Variants in DACT3 observed in about 807,000 individuals in gnomAD.
DACT3 encodes the protein dapper homolog 3.
In DACT3, 5 loss-of-function variants were observed where a neutral mutation model predicts 19.6. That is an observed-to-expected ratio of 0.26 (90% CI 0.13 to 0.54). The LOEUF (loss-of-function observed/expected upper bound fraction) is 0.54, where lower values mean the gene tolerates loss of function less well. Among genes scored for constraint, DACT3 ranks in the 20% least tolerant of loss-of-function variants. The pLI is 0.95. For synonymous variants in DACT3, 454 were observed against 428.1 expected, an observed-to-expected ratio of 1.06 and a Z score of -0.75; for missense variants, 908 against 927.4, an observed-to-expected ratio of 0.98 and a Z score of 0.27.
chr19:46,648,272 C>G lies in DACT3; in HGVS notation c.*210G>C. 1 of 768,930 alleles carries G rather than the reference C, an allele frequency of 1.3e-6. No homozygotes were observed. The highest frequency in any genetic ancestry group is 2.9e-5 in the Admixed American group (1 of 34,056). The allele number at this position is 768,930 out of a possible 1,614,324, so 47.6% of individuals were successfully genotyped here. On this transcript the variant is annotated 3_prime_UTR_variant, in exon 4 of 4. Coordinates refer to ENST00000391916, the MANE Select transcript of DACT3 (RefSeq NM_145056.3). The surrounding 1 kb of genome is among the most constrained non-coding windows in gnomAD (Gnocchi z 5.1). ...TGCCCAAGGGCTTCCAAGCTAGAAG[C>G]TGAACTGGGTCAAACAGGGCTCCTC...
At position 46,649,014 on chromosome 19, in the gene DACT3, C is replaced by A; in HGVS notation, c.1358G>T (p.Arg453Leu). ...KYPTAEREEP[R>L]PPRPRRGPAP... ...TGGGCCGCGGCGTGGCCGTGGAGGC[C>A]GAGGCTCTTCCCGCTCCGCCGTGGG... The change falls in exon 4 of 4, where the codon CGG (arginine) becomes CTG (leucine). Residue 453 changes from arginine (R) to leucine (L), a missense_variant. Around this residue, in one of 2 missense-constraint regions of DACT3, gnomAD observed 656 missense variants for 601.8 expected, o/e 1.09. Transcript: ENST00000391916. 1 of 1,268,308 alleles carries A rather than the reference C, an allele frequency of 7.9e-7. No individual in the cohort carries two copies. The highest frequency in any genetic ancestry group is 2.5e-5 in the South Asian group (1 of 39,456). 78.6% of individuals were successfully genotyped at this position (1,268,308 alleles called of 1,614,324 possible).
chr19:46,648,340 A>T lies in DACT3; in HGVS notation c.*142T>A, dbSNP rs2052938448. 1 of 1,356,728 alleles carries T rather than the reference A, an allele frequency of 7.4e-7. No individual in the cohort carries two copies. The allele number at this position is 1,356,728 out of a possible 1,614,324, so 84.0% of individuals were successfully genotyped here. Reference sequence around the variant, plus strand: ...TGGTGGGGGAGCCTTTTCAACCAAGACTGTTAGGAGTGGGGAGAGTGAGGG... The same window carrying T: ...TGGTGGGGGAGCCTTTTCAACCAAGTCTGTTAGGAGTGGGGAGAGTGAGGG... On this transcript the variant is annotated 3_prime_UTR_variant, in exon 4 of 4. Transcript: ENST00000391916. This position sits in a 1 kb window ranked among gnomAD's most constrained non-coding sequence, Gnocchi z 5.1.
Position 46,648,805 on chromosome 19 carries a change from C to T in DACT3, c.1567G>A (p.Glu523Lys). 1 of 1,531,956 alleles carries T rather than the reference C, an allele frequency of 6.5e-7. No individual in the cohort carries two copies. Among genetic ancestry groups the T allele is most frequent in the South Asian group, 1.2e-5 (1 of 85,186 alleles). The allele number at this position is 1,531,956 out of a possible 1,614,324, so 94.9% of individuals were successfully genotyped here. Residue 523 changes from glutamate (E) to lysine (K), a missense_variant, in exon 4 of 4, where the codon GAG becomes AAG. This residue lies in a region of DACT3 where 656 missense variants were observed against 601.8 expected (regional missense o/e 1.09). Transcript: ENST00000391916. The surrounding 1 kb of genome is among the most constrained non-coding windows in gnomAD (Gnocchi z 5.1). Reference sequence around the variant, plus strand: ...GGCCCCAGGCGCCCAGCCGAGCACTCGGAGTCGCTGCCCGCGCAGCCGTAA... The same window carrying T: ...GGCCCCAGGCGCCCAGCCGAGCACTTGGAGTCGCTGCCCGCGCAGCCGTAA... ...LLYGCAGSDS[E>K]CSAGRLGPLG...
chr19:46,655,911 C>T (rs1355380202), intron 1 of DACT3, among the ~76,000 whole-genome samples: 1 of 103,622 alleles, frequency 9.7e-6, no homozygotes, highest in Non-Finnish European at 2.4e-5. Context: ...GTCTCTCTCT[C>T]TCTCTCTCTC....
chr19:46,649,647 G>T lies in DACT3; in HGVS notation c.725C>A (p.Ala242Glu). 1 of 1,150,300 alleles carries T rather than the reference G, an allele frequency of 8.7e-7. No individual in the cohort carries two copies. The highest frequency in any genetic ancestry group is 1.1e-6 in the Non-Finnish European group (1 of 937,710). 71.3% of individuals were successfully genotyped at this position (1,150,300 alleles called of 1,614,324 possible). Residue 242 changes from alanine to glutamate, a missense_variant, in exon 4 of 4, where the codon GCG becomes GAG. Ala to Glu is a moderately radical substitution (Grantham distance 107, BLOSUM62 -1). Around this residue, in one of 2 missense-constraint regions of DACT3, gnomAD observed 656 missense variants for 601.8 expected, o/e 1.09. Coordinates refer to ENST00000391916, the MANE Select transcript of DACT3 (RefSeq NM_145056.3). ...CGRPPTDSPD[A>E]GGAGRPLDGY... is the part of the protein sequence containing the mutation. ...GTCCAGGGGCCGCCCTGCGCCCCCC[G>T]CGTCGGGCGAGTCGGTGGGAGGGCG...
chr19:46,655,925 C>CTCTCTCTATATA (rs980735397), intron 1 of DACT3, among the ~76,000 whole-genome samples: 54 of 137,932 alleles, frequency 3.9e-4, no homozygotes, highest in African/African-American at 1.4e-3. Flanking sequence ...CTCTCTCTCT[C>CTCTCTCTATATA]TATATATATA....
At chr19:46,654,968 G>T in intron 1 of DACT3, 1 of 985,346 alleles carries the variant, frequency 1.0e-6, no homozygotes, top group Non-Finnish European at 1.2e-6. Context: ...GATGCTCACA[G>T]TGAAGTCATC....
rs1348481950 is a variant in DACT3 at position 46,649,437 on chromosome 19, C to T, written c.935G>A (p.Gly312Asp). The T allele has an allele frequency of 8.1e-6, 10 of 1,239,230 alleles. No homozygotes were observed. Among genetic ancestry groups the T allele is most frequent in the Admixed American group, 3.8e-5 (1 of 26,162 alleles). The allele number at this position is 1,239,230 out of a possible 1,614,324, so 76.8% of individuals were successfully genotyped here. The change falls in exon 4 of 4, where the codon GGC becomes GAC. Residue 312 changes from glycine (G) to aspartate (D), a missense_variant. Gly to Asp is a moderately conservative substitution (Grantham distance 94, BLOSUM62 -1). Transcript: ENST00000391916. ...CAAGGCGGCAGGGCTGGTGGGGTGG[C>T]CCCCGACGCGCTCCAACGAGGGCTC... ...AREPSLERVG[G>D]HPTSPAALSR...
rs1177839990 is a variant in DACT3, at chr19:46,648,735, C to T, written c.1637G>A (p.Gly546Glu). The T allele has an allele frequency of 6.3e-7, 1 of 1,594,504 alleles. No individual in the cohort carries two copies. Among genetic ancestry groups the T allele is most frequent in the African/African-American group, 1.3e-5 (1 of 74,646 alleles). ...GPAGGVGGGY[G>E]ESESSASEGE... The stretch of plus-strand genomic sequence containing the variant: ...CTCGCTGGCGCTCGATTCGCTCTCC[C>T]CGTAACCCCCGCCGACGCCTCCCGC... Residue 546 changes from glycine (G) to glutamate (E), a missense_variant, in exon 4 of 4, where the codon GGG (glycine) becomes GAG (glutamate). Physicochemically the swap from Gly to Glu is moderately conservative, Grantham distance 98 (BLOSUM62 -2). This residue lies in a region of DACT3 where 656 missense variants were observed against 601.8 expected (regional missense o/e 1.09). Coordinates refer to ENST00000391916, the MANE Select transcript of DACT3 (RefSeq NM_145056.3). The surrounding 1 kb of genome is among the most constrained non-coding windows in gnomAD (Gnocchi z 5.1).
At position 46,654,945 on chromosome 19, in the gene DACT3, C is replaced by T. The variant is rs1236953399; in HGVS notation, c.250-1870G>A. 3 of 985,216 alleles carry T rather than the reference C, an allele frequency of 3.0e-6. No individual in the cohort carries two copies. In the African/African-American group the frequency reaches 5.2e-5, roughly 17 times the overall value. The allele number at this position is 985,216 out of a possible 1,614,324, so 61.0% of individuals were successfully genotyped here. On this transcript the variant is annotated intron_variant, in intron 1 of 3. Coordinates refer to ENST00000391916, the MANE Select transcript of DACT3 (RefSeq NM_145056.3). ...AATCCTTCCACTCTGGGCTCCTGCC[C>T]TGGGTATATTGAGATGCTCACAGTG...
At position 46,649,754 on chromosome 19, in the gene DACT3, C is replaced by A; in HGVS notation, c.618G>T (p.Ala206=). The change falls in exon 4 of 4, where the codon GCG becomes GCT. Residue 206 remains alanine (A), a synonymous_variant. Coordinates refer to ENST00000391916, the MANE Select transcript of DACT3 (RefSeq NM_145056.3). Reference sequence around the variant, plus strand: ...AGGGCCCGGCGCGGGCCCGCCGCTCCGCCGAGGAGCAGGCCTCCGGGCCGG... The same window carrying A: ...AGGGCCCGGCGCGGGCCCGCCGCTCAGCCGAGGAGCAGGCCTCCGGGCCGG... ...GSAGPEACSS[A]ERRARAGPFL... 1 of 1,284,382 alleles carries A rather than the reference C, an allele frequency of 7.8e-7. No individual in the cohort carries two copies. 79.6% of individuals were successfully genotyped at this position (1,284,382 alleles called of 1,614,324 possible).
At chr19:46,653,380 A>G (rs1460461986) in intron 1 of DACT3, among the ~76,000 whole-genome samples, 3 of 151,498 alleles carry the variant, frequency 2.0e-5, no homozygotes, top group Non-Finnish European at 4.4e-5. Flanking sequence ...GCTACCCCCA[A>G]TCTGTGCTCA....
rs2053000096 is a variant in DACT3, at chr19:46,652,903, CAG to C, written c.346+74_346+75del. ...GGAGGAGATGGCGTGGGGAGAGACA[CAG>C]GGGGCCTCAGAAATAGGGATACGGG... is the stretch of plus-strand genomic sequence containing the variant. On this transcript the variant is annotated intron_variant, in intron 2 of 3. Coordinates refer to ENST00000391916, the MANE Select transcript of DACT3 (RefSeq NM_145056.3). 5.2e-6 allele frequency: 8 copies of C among 1,542,054 alleles called. No individual in the cohort carries two copies. In the South Asian group the frequency reaches 6.0e-5, roughly 12 times the overall value.
At position 46,660,816 on chromosome 19, in the gene DACT3, C is replaced by T; in HGVS notation, c.249G>A (p.Leu83=). Residue 83 remains leucine (L), a splice_region_variant and synonymous_variant, in exon 1 of 4, where the codon CTG becomes CTA. Transcript: ENST00000391916. This position sits in a 1 kb window ranked among gnomAD's most constrained non-coding sequence, Gnocchi z 4.9. The part of the protein sequence containing the change: ...RRAAAALEEQ[L]EALPGLVWDL... ...GACGGACGGACAGGCAGCCCCTTAC[C>T]AGCTGCTCCTCCAGGGCCGCTGCGG... 6.7e-7 allele frequency: 1 copy of T among 1,500,284 alleles called. No individual in the cohort carries two copies. 92.9% of individuals were successfully genotyped at this position (1,500,284 alleles called of 1,614,324 possible).
intron 1 of DACT3, among the ~76,000 whole-genome samples, chr19:46,658,650 C>T (rs1284958815): frequency 1.3e-5 from 2 of 152,124 alleles, no homozygotes; most frequent in Admixed American, 6.5e-5. Context: ...ATTAGAAAGT[C>T]CTTGGCCTGA....
At chr19:46,659,255 C>CCT in intron 1 of DACT3, 1 of 984,502 alleles carries the variant, frequency 1.0e-6, no homozygotes, top group South Asian at 4.7e-5. Context: ...GGGGGACAGG[C>CCT]CTCTCCACTA....
At chr19:46,651,647 TGTG>T (rs2052986246) in intron 3 of DACT3, 2 of 21,008 alleles carry the variant, frequency 9.5e-5, no homozygotes, top group African/African-American at 3.2e-4. Context: ...GCACTGTTTG[TGTG>T]TGTGTGTGTG....
At position 46,652,768 on chromosome 19, in the gene DACT3, G is replaced by T; in HGVS notation, c.391C>A (p.Pro131Thr). The part of the protein sequence containing the change: ...PSSTGGPDSP[P>T]STFCGDSGFS... ...CCACTGTCCCCACAGAAGGTTGAGG[G>T]TGGTGAATCTGGACCTCCTGTAGAG... is the stretch of plus-strand genomic sequence containing the variant. The change falls in exon 3 of 4, where the codon CCC (proline) becomes ACC (threonine). Residue 131 changes from proline (P) to threonine (T), a missense_variant. Coordinates refer to ENST00000391916, the MANE Select transcript of DACT3 (RefSeq NM_145056.3). 6.4e-7 allele frequency: 1 copy of T among 1,551,686 alleles called. No individual in the cohort carries two copies. The highest frequency in any genetic ancestry group is 8.7e-7 in the Non-Finnish European group (1 of 1,147,000).
At chr19:46,659,226 G>A (rs2053055276) in intron 1 of DACT3, 1 of 984,970 alleles carries the variant, frequency 1.0e-6, no homozygotes, top group Non-Finnish European at 1.2e-6. Context: ...GACAAGCTTT[G>A]CCTAGAGACT....
Sources: allele counts gnomAD v4.1 joint callset (sites outside exome capture counted in the v4.1 genomes callset), GRCh38; gene constraint gnomAD v4.1.1; regional missense constraint gnomAD v4.1.1; non-coding constraint Gnocchi (gnomAD v3.1); transcripts MANE v1.5; gene names NCBI Gene and HGNC (gene_info 2026-07-23, HGNC 2026-07-21).